The following DAB1 variants were observed in gnomAD, a reference collection of about 807,000 sequenced individuals.
The protein encoded by DAB1 is DAB adaptor protein 1, also known as disabled homolog 1.
A neutral mutation model predicts 64.6 loss-of-function variants in DAB1; 15 were observed. The ratio of observed to expected loss-of-function variants is 0.23; its 90% CI spans 0.16 to 0.36. The LOEUF (loss-of-function observed/expected upper bound fraction) is 0.36. DAB1 is among the 10% of genes least tolerant of loss of function. The probability of loss-of-function intolerance (pLI) is 1.00; values close to 1 mark genes in which losing one functional copy is unlikely to be tolerated. For synonymous variants in DAB1, 235 were observed against 251.9 expected (o/e 0.93, Z 0.64); for missense variants, 596 against 706.7 (o/e 0.84, Z 1.78).
At chr1:58,520,663 A>G (rs2100451335) in intron 2 of DAB1, among the ~76,000 whole-genome samples, 1 of 152,300 alleles carries the variant, frequency 6.6e-6, no homozygotes, top group Admixed American at 6.5e-5. Context: ...AGAAAGCTGA[A>G]ATAACAATAC....
intron 5 of DAB1, among the ~76,000 whole-genome samples, chr1:58,026,257 T>C (rs538411796): frequency 2.0e-5 from 3 of 152,218 alleles, no homozygotes; most frequent in Admixed American, 6.5e-5. Context: ...GTTACAAACA[T>C]GGAAAGAATA....
chr1:57,853,911 C>T (rs1449949085), intron 1 of DAB1, among the ~76,000 whole-genome samples: 1 of 152,182 alleles, frequency 6.6e-6, no homozygotes, highest in Non-Finnish European at 1.5e-5. Flanking sequence ...TCTGAGACCT[C>T]CGCATCTGTT....
chr1:57,337,276 G>T (rs148239473), intron 1 of DAB1, among the ~76,000 whole-genome samples: 1 of 152,256 alleles, frequency 6.6e-6, no homozygotes, highest in East Asian at 1.9e-4. Context: ...ATATTATAAA[G>T]CTCTCTATGA....
intron 2 of DAB1, among the ~76,000 whole-genome samples, chr1:57,187,931 G>A (rs1663747317): frequency 6.6e-6 from 1 of 152,130 alleles, no homozygotes; most frequent in South Asian, 2.1e-4. Flanking sequence ...AGGAGAAAGA[G>A]AGACAGACAG....
intron 6 of DAB1, among the ~76,000 whole-genome samples, chr1:57,789,188 C>T (rs12140045): frequency 0.16 from 24,595 of 152,094 alleles, 2,479 homozygotes; most frequent in Admixed American, 0.31. Flanking sequence ...CCTTCACCCC[C>T]GCCCCTGCCG....
chr1:57,620,811 G>T (rs1176430196), intron 7 of DAB1, among the ~76,000 whole-genome samples: 1 of 152,170 alleles, frequency 6.6e-6, no homozygotes, highest in Non-Finnish European at 1.5e-5. Flanking sequence ...GGAAGCAGGG[G>T]GGCAGCGCGG....
At chr1:58,396,026 C>T (rs919523752) in intron 3 of DAB1, among the ~76,000 whole-genome samples, 2 of 152,038 alleles carry the variant, frequency 1.3e-5, no homozygotes, top group South Asian at 2.1e-4. Context: ...TTAGCCAGCC[C>T]CACAACCTAT....
At chr1:57,691,464 C>T (rs1646763258) in intron 6 of DAB1, among the ~76,000 whole-genome samples, 1 of 152,116 alleles carries the variant, frequency 6.6e-6, no homozygotes. Context: ...CAGCGGCAAC[C>T]TGCTAAGGTC....
chr1:57,888,927 C>T (rs1644266344), upstream of DAB1, among the ~76,000 whole-genome samples: 2 of 152,198 alleles, frequency 1.3e-5, no homozygotes, highest in Non-Finnish European at 2.9e-5. Context: ...CTGTGGGTAG[C>T]CCTGTTCCTA....
downstream of DAB1, among the ~76,000 whole-genome samples, chr1:57,824,127 T>C (rs1309210130): frequency 3.3e-5 from 5 of 152,228 alleles, no homozygotes; most frequent in Admixed American, 2.6e-4. Flanking sequence ...ATGAGTTAGA[T>C]GTTATCTCCA....
intron 2 of DAB1, among the ~76,000 whole-genome samples, chr1:57,174,023 C>A (rs1449355181): frequency 6.6e-6 from 1 of 152,132 alleles, no homozygotes; most frequent in Non-Finnish European, 1.5e-5. Flanking sequence ...TGCAAGCATC[C>A]TCTTGCCTGG....
At chr1:57,262,146 G>A (rs1670228704) in intron 2 of DAB1, among the ~76,000 whole-genome samples, 1 of 152,186 alleles carries the variant, frequency 6.6e-6, no homozygotes, top group Non-Finnish European at 1.5e-5. Context: ...AAAGCTACAT[G>A]TTGGGCAAGT....
chr1:57,278,948 C>G (rs770964171), intron 2 of DAB1, among the ~76,000 whole-genome samples: 2 of 152,190 alleles, frequency 1.3e-5, no homozygotes, highest in South Asian at 2.1e-4. Flanking sequence ...GGTTTGAATA[C>G]ATTGCCTGAT....
chr1:57,878,975 C>T (rs184115269), intron 1 of DAB1, among the ~76,000 whole-genome samples: 7 of 152,204 alleles, frequency 4.6e-5, no homozygotes, highest in South Asian at 2.1e-4. Context: ...GTCCTCCAGG[C>T]GTATCCATTT....
intron 6 of DAB1, among the ~76,000 whole-genome samples, chr1:57,774,382 A>G (rs1199724691): frequency 5.3e-5 from 8 of 151,856 alleles, no homozygotes; most frequent in Non-Finnish European, 7.4e-5. Context: ...ATCTGTGAAC[A>G]TGAACAGTTT....
intron 5 of DAB1, among the ~76,000 whole-genome samples, chr1:57,958,434 G>A (rs4912175): frequency 0.44 from 66,900 of 152,034 alleles, 15,454 homozygotes; most frequent in East Asian, 0.86. Context: ...ATACAACCAA[G>A]AGAAATACCT....
At chr1:57,380,401 T>A (rs1256286484) in intron 1 of DAB1, among the ~76,000 whole-genome samples, 1 of 152,198 alleles carries the variant, frequency 6.6e-6, no homozygotes, top group Admixed American at 6.5e-5. Flanking sequence ...AGAACCGTCT[T>A]ACCCAAATAT....
At chr1:57,439,424 T>TTTTTTTTTTTTTTTTTTTTTTTTG (rs1558381326) in intron 7 of DAB1, among the ~76,000 whole-genome samples, 1 of 117,110 alleles carries the variant, frequency 8.5e-6, no homozygotes, top group Non-Finnish European at 1.7e-5. Context: ...TGAGGTTTTT[T>TTTTTTTTTTTTTTTTTTTTTTTTG]CTTTTTTTTT....
intron 3 of DAB1, among the ~76,000 whole-genome samples, chr1:58,452,666 A>G (rs2100296754): frequency 6.6e-6 from 1 of 151,468 alleles, no homozygotes; most frequent in East Asian, 1.9e-4. Context: ...AAAAAAAAAA[A>G]AAAAAAAAAA....
Sources: allele counts gnomAD v4.1 joint callset (sites outside exome capture counted in the v4.1 genomes callset), GRCh38; gene constraint gnomAD v4.1.1; transcripts MANE v1.5; gene names NCBI Gene and HGNC (gene_info 2026-07-23, HGNC 2026-07-21).